ITGBL1: variants seen among roughly 807,000 people sequenced by gnomAD.
The protein encoded by ITGBL1 is integrin beta-like protein 1.
ITGBL1 carries 51 observed loss-of-function variants against 68.5 expected under a neutral mutation model. The ratio of observed to expected loss-of-function variants is 0.74; its 90% CI spans 0.59 to 0.94. ITGBL1 has a LOEUF of 0.94. ITGBL1 is among the 40% of genes least tolerant of loss of function. The pLI is 0.00. For missense variants in ITGBL1, 649 were observed against 647.4 expected (o/e 1.00, Z -0.03); for synonymous variants, 209 against 227.3 (o/e 0.92, Z 0.72).
chr13:101,479,598 A>G (rs1361118019), intron 2 of ITGBL1, among the ~76,000 whole-genome samples: 1 of 149,624 alleles, frequency 6.7e-6, no homozygotes, highest in South Asian at 2.1e-4. Context: ...TAAGAAGCCC[A>G]CACAACTCAA....
At chr13:101,635,011 G>C (rs10508072) in intron 7 of ITGBL1, among the ~76,000 whole-genome samples, 1 of 150,620 alleles carries the variant, frequency 6.6e-6, no homozygotes, top group African/African-American at 2.4e-5. Context: ...ATTTCAATTC[G>C]AATTTCCTTT....
At chr13:101,477,760 C>G (rs1029252621) in intron 2 of ITGBL1, among the ~76,000 whole-genome samples, 17 of 152,130 alleles carry the variant, frequency 1.1e-4, no homozygotes, top group African/African-American at 3.6e-4. Flanking sequence ...TACAACCTAT[C>G]AAGATTGAAC....
chr13:101,577,382 C>A (rs1017804539), intron 4 of ITGBL1, among the ~76,000 whole-genome samples: 28 of 152,166 alleles, frequency 1.8e-4, no homozygotes, highest in African/African-American at 6.5e-4. Context: ...ACATTTTAAT[C>A]TCAATTATTC....
chr13:101,575,505 A>G lies in ITGBL1; in HGVS notation c.545A>G (p.Asp182Gly). ...LVYGKFCECD[D>G]RECIDDETEE... ...TATGGTAAATTTTGTGAGTGTGACG[A>G]TAGAGAATGCATAGACGATGAAACA... is the stretch of plus-strand genomic sequence containing the variant. Residue 182 changes from aspartate to glycine, a missense_variant, in exon 4 of 11, where the codon GAT becomes GGT. Transcript: ENST00000376180. The G allele has an allele frequency of 6.2e-7, 1 of 1,612,846 alleles. No homozygotes were observed. The highest frequency in any genetic ancestry group is 8.5e-7 in the Non-Finnish European group (1 of 1,179,028).
intron 7 of ITGBL1, among the ~76,000 whole-genome samples, chr13:101,623,677 T>C (rs2139393076): frequency 1.3e-5 from 2 of 152,288 alleles, no homozygotes; most frequent in African/African-American, 4.8e-5. Flanking sequence ...TGTAAAGAAA[T>C]CTGTTGTAAT....
chr13:101,715,790 A>G lies in ITGBL1; in HGVS notation c.*136A>G. 3 of 565,534 alleles carry G rather than the reference A, an allele frequency of 5.3e-6. No individual in the cohort carries two copies. Among genetic ancestry groups the G allele is most frequent in the Non-Finnish European group, 9.6e-6 (3 of 312,158 alleles). 35.0% of individuals were successfully genotyped at this position (565,534 alleles called of 1,614,324 possible). On this transcript the variant is annotated 3_prime_UTR_variant, in exon 11 of 11. Coordinates refer to ENST00000376180, the MANE Select transcript of ITGBL1 (RefSeq NM_004791.3). ...ATGTTTTTCTATTTCTGAATTACGA[A>G]TGAAATCCGAGTACCTATTAGAAAT...
At chr13:101,558,083 C>CAAAAAAAAAA (rs568103738) in intron 2 of ITGBL1, among the ~76,000 whole-genome samples, 6 of 71,688 alleles carry the variant, frequency 8.4e-5, no homozygotes, top group African/African-American at 3.4e-4. Context: ...AACTCCGTCT[C>CAAAAAAAAAA]AAAAAAAAAA....
At chr13:101,525,187 AAAAAT>A (rs1449400649) in intron 2 of ITGBL1, among the ~76,000 whole-genome samples, 1 of 152,114 alleles carries the variant, frequency 6.6e-6, no homozygotes, top group African/African-American at 2.4e-5. Context: ...TTTACCATTT[AAAAAT>A]AAAATAATTG....
intron 7 of ITGBL1, among the ~76,000 whole-genome samples, chr13:101,665,066 T>C (rs1047974231): frequency 5.3e-5 from 8 of 152,234 alleles, no homozygotes; most frequent in African/African-American, 9.6e-5. Context: ...CTTTACAGTA[T>C]GTTTTAAAAT....
At chr13:101,646,976 G>A (rs764562399) in intron 7 of ITGBL1, among the ~76,000 whole-genome samples, 11 of 152,060 alleles carry the variant, frequency 7.2e-5, no homozygotes, top group Non-Finnish European at 1.5e-4. Context: ...AATTAAATGG[G>A]CCAAAAATCT....
chr13:101,580,990 A>G (rs1301965090), intron 5 of ITGBL1, among the ~76,000 whole-genome samples: 2 of 151,994 alleles, frequency 1.3e-5, no homozygotes, highest in East Asian at 3.9e-4. Context: ...GACAGGGCAG[A>G]AGTGGGCGCT....
intron 7 of ITGBL1, among the ~76,000 whole-genome samples, chr13:101,636,357 C>T (rs1405099355): frequency 6.6e-6 from 1 of 152,052 alleles, no homozygotes; most frequent in African/African-American, 2.4e-5. Flanking sequence ...GGAAAGTTAC[C>T]TTAATTTATC....
At chr13:101,691,158 G>A (rs1218041068) in intron 7 of ITGBL1, among the ~76,000 whole-genome samples, 2 of 152,114 alleles carry the variant, frequency 1.3e-5, no homozygotes, top group Non-Finnish European at 2.9e-5. Flanking sequence ...GGTGTCTGAT[G>A]TGTGCCTGTT....
intron 4 of ITGBL1, 140 bp downstream of exon 4, chr13:101,575,686 C>A: frequency 1.2e-6 from 1 of 841,826 alleles, no homozygotes; most frequent in East Asian, 2.6e-5. Context: ...AAACATTTCA[C>A]ATAAGGAGAG....
intron 7 of ITGBL1, among the ~76,000 whole-genome samples, chr13:101,669,933 A>C (rs1490115476): frequency 6.6e-6 from 1 of 152,136 alleles, no homozygotes; most frequent in Non-Finnish European, 1.5e-5. Flanking sequence ...CTTCCTGCAG[A>C]GGTACATCTT....
chr13:101,566,150 T>G (rs2050180308), intron 2 of ITGBL1, among the ~76,000 whole-genome samples: 1 of 152,302 alleles, frequency 6.6e-6, no homozygotes, highest in Non-Finnish European at 1.5e-5. Flanking sequence ...TGTTTATTGG[T>G]GTGGAACCAT....
intron 7 of ITGBL1, among the ~76,000 whole-genome samples, chr13:101,687,108 T>A (rs2033772172): frequency 6.6e-6 from 1 of 152,074 alleles, no homozygotes; most frequent in African/African-American, 2.4e-5. Flanking sequence ...TTTGGTGATA[T>A]AATCATTCCT....
At chr13:101,660,654 T>G (rs770529005) in intron 7 of ITGBL1, among the ~76,000 whole-genome samples, 13 of 152,154 alleles carry the variant, frequency 8.5e-5, no homozygotes, top group Non-Finnish European at 1.3e-4. Flanking sequence ...CTATTATCAT[T>G]TAAACTATAA....
At chr13:101,583,894 C>T (rs2139291445) in intron 6 of ITGBL1, among the ~76,000 whole-genome samples, 1 of 152,304 alleles carries the variant, frequency 6.6e-6, no homozygotes, top group South Asian at 2.1e-4. Flanking sequence ...TCTAATTCCT[C>T]ACCCAGGAGA....
Sources: allele counts gnomAD v4.1 joint callset (sites outside exome capture counted in the v4.1 genomes callset), GRCh38; gene constraint gnomAD v4.1.1; transcripts MANE v1.5; gene names NCBI Gene and HGNC (gene_info 2026-07-23, HGNC 2026-07-21).